The following N4BP2L2 variants were observed in gnomAD, a reference collection of about 807,000 sequenced individuals.
The protein encoded by N4BP2L2 is NEDD4 binding protein 2 like 2.
N4BP2L2 carries 50 observed loss-of-function variants against 56.2 expected under a neutral mutation model. The ratio of observed to expected loss-of-function variants is 0.89; its 90% CI spans 0.71 to 1.13. The LOEUF (loss-of-function observed/expected upper bound fraction) is 1.13. Ranked by LOEUF, N4BP2L2 falls within the 50% of genes most tolerant of loss-of-function variation. N4BP2L2 has a pLI of 0.00. For synonymous variants in N4BP2L2, 203 were observed against 223.6 expected, an observed-to-expected ratio of 0.91 and a Z score of 0.82; for missense variants, 689 against 693.8, an observed-to-expected ratio of 0.99 and a Z score of 0.08.
At chr13:32,437,113 C>T (rs1002394972) in intron 8 of N4BP2L2, among the ~76,000 whole-genome samples, 1 of 152,010 alleles carries the variant, frequency 6.6e-6, no homozygotes, top group Non-Finnish European at 1.5e-5. Flanking sequence ...GAACTCCTGA[C>T]CTCAAGTGAT....
chr13:32,525,222 T>A (rs1003980608), intron 3 of N4BP2L2: 1 of 152,160 alleles, frequency 6.6e-6, no homozygotes, highest in Non-Finnish European at 1.5e-5. Flanking sequence ...AGAATTGCAA[T>A]ACCATCATTA....
intron 2 of N4BP2L2, among the ~76,000 whole-genome samples, chr13:32,533,913 T>G (rs142376514): frequency 0.01 from 1,552 of 152,326 alleles, 13 homozygotes; most frequent in Middle Eastern, 0.017. Context: ...TCAAAACGTG[T>G]TGACCTAAAG....
intron 6 of N4BP2L2, among the ~76,000 whole-genome samples, chr13:32,454,135 C>T (rs1285541258): frequency 1.3e-5 from 2 of 152,170 alleles, no homozygotes; most frequent in Non-Finnish European, 2.9e-5. Context: ...GCTGTTGCTT[C>T]TGGCTGACAC....
intron 8 of N4BP2L2, among the ~76,000 whole-genome samples, chr13:32,438,366 T>G (rs915435283): frequency 1.3e-5 from 2 of 152,204 alleles, no homozygotes; most frequent in African/African-American, 4.8e-5. Flanking sequence ...ATTTCACTCA[T>G]ATATGAAATC....
intron 6 of N4BP2L2, among the ~76,000 whole-genome samples, chr13:32,499,541 G>T (rs2089557540): frequency 1.3e-5 from 2 of 152,168 alleles, no homozygotes; most frequent in Admixed American, 6.5e-5. Context: ...ATCGCCAAAA[G>T]CTAGAAGTCT....
chr13:32,536,451 A>G (rs747608579), exon 2 of N4BP2L2: 5 of 1,613,218 alleles, frequency 3.1e-6, no homozygotes, highest in Non-Finnish European at 4.2e-6. Context: ...GATTCTTTAC[A>G]ACTGTTCTCA....
At chr13:32,530,969 G>A (rs1223236281) in intron 2 of N4BP2L2, among the ~76,000 whole-genome samples, 1 of 151,716 alleles carries the variant, frequency 6.6e-6, no homozygotes, top group East Asian at 1.9e-4. Context: ...GAAATCAGCT[G>A]TCTTGTGAAT....
exon 7 of N4BP2L2, chr13:32,442,415 G>C (rs2076527062): frequency 1.2e-6 from 2 of 1,600,036 alleles, no homozygotes; most frequent in Non-Finnish European, 1.7e-6. Flanking sequence ...GATCCAAAAA[G>C]CTTTACTAAT....
intron 8 of N4BP2L2, among the ~76,000 whole-genome samples, chr13:32,437,049 T>C (rs1293849971): frequency 6.6e-6 from 1 of 151,674 alleles, no homozygotes; most frequent in Non-Finnish European, 1.5e-5. Flanking sequence ...CACGGCTAAT[T>C]TTTTTGTGTT....
intron 9 of N4BP2L2, among the ~76,000 whole-genome samples, chr13:32,435,443 A>T (rs1054762728): frequency 6.6e-6 from 1 of 152,128 alleles, no homozygotes; most frequent in African/African-American, 2.4e-5. Context: ...CATGTTGGCT[A>T]GGCTGGTCTC....
At chr13:32,524,638 A>C (rs556919244) in intron 3 of N4BP2L2, 1 of 152,350 alleles carries the variant, frequency 6.6e-6, no homozygotes, top group East Asian at 1.9e-4. Flanking sequence ...CTAGCATTTA[A>C]ATATATTCAA....
intron 6 of N4BP2L2, among the ~76,000 whole-genome samples, chr13:32,456,682 A>G (rs543052119): frequency 1.3e-5 from 2 of 152,366 alleles, no homozygotes; most frequent in South Asian, 4.1e-4. Flanking sequence ...GATAGATATC[A>G]TAAAAAAGAA....
intron 6 of N4BP2L2, among the ~76,000 whole-genome samples, chr13:32,450,118 A>G (rs2077678710): frequency 6.6e-6 from 1 of 152,142 alleles, no homozygotes; most frequent in Non-Finnish European, 1.5e-5. Flanking sequence ...CTCACATATA[A>G]TATCTATAGA....
intron 6 of N4BP2L2, among the ~76,000 whole-genome samples, chr13:32,495,081 GGACTCTACCTATCCCAGAAAA>G: frequency 8.2e-6 from 1 of 121,686 alleles, no homozygotes; most frequent in Middle Eastern, 4.1e-3. Flanking sequence ...AATCTCTCTG[GGACTCTACCTATCCCAGAAAA>G]AAAATCAGAA....
At chr13:32,475,623 C>T (rs1021536366) in intron 6 of N4BP2L2, among the ~76,000 whole-genome samples, 4 of 152,100 alleles carry the variant, frequency 2.6e-5, no homozygotes, top group African/African-American at 7.2e-5. Context: ...TTTCTGTACA[C>T]GTGGCTGACA....
chr13:32,471,530 A>G (rs2082291758), intron 6 of N4BP2L2, among the ~76,000 whole-genome samples: 1 of 152,232 alleles, frequency 6.6e-6, no homozygotes, highest in South Asian at 2.1e-4. Flanking sequence ...ACAGAGAGAG[A>G]GCCAGAGTTG....
intron 5 of N4BP2L2, among the ~76,000 whole-genome samples, chr13:32,519,512 C>T (rs774533447): frequency 1.1e-4 from 17 of 152,016 alleles, no homozygotes; most frequent in Non-Finnish European, 2.4e-4. Flanking sequence ...AAAAAATAGC[C>T]AGGCGTAGTG....
At chr13:32,518,128 T>C (rs1424125413) in intron 5 of N4BP2L2, 125 bp from the exon 6 acceptor site, 5 of 867,396 alleles carry the variant, frequency 5.8e-6, no homozygotes, top group Middle Eastern at 3.6e-4. Context: ...ATATATTTCA[T>C]CTGTCCACAT....
At chr13:32,519,695 G>A (rs998779081) in intron 5 of N4BP2L2, among the ~76,000 whole-genome samples, 2 of 151,818 alleles carry the variant, frequency 1.3e-5, no homozygotes, top group African/African-American at 2.4e-5. Flanking sequence ...TCCAGCCTGG[G>A]TGACAGCAGT....
Sources: allele counts gnomAD v4.1 joint callset (sites outside exome capture counted in the v4.1 genomes callset), GRCh38; gene constraint gnomAD v4.1.1; transcripts MANE v1.5; gene names NCBI Gene and HGNC (gene_info 2026-07-23, HGNC 2026-07-21).